KLF8: variants seen among roughly 807,000 people sequenced by gnomAD.
KLF8 encodes the protein Krueppel-like factor 8.
Under a neutral mutation model 18.2 loss-of-function variants are expected in KLF8, and 10 were observed. The ratio of observed to expected loss-of-function variants is 0.55; its 90% CI spans 0.34 to 0.93. The LOEUF (loss-of-function observed/expected upper bound fraction) is 0.93, where lower values mean the gene tolerates loss of function less well. KLF8 is among the 40% of genes least tolerant of loss of function. KLF8 has a pLI of 0.02. For missense variants in KLF8, 264 were observed against 277.9 expected (o/e 0.95, Z 0.36); for synonymous variants, 109 against 97.3 (o/e 1.12, Z -0.71).
rs977168064 is a variant in KLF8, at chrX:56,290,885, C to G, written c.*6391C>G. On this transcript the variant is annotated 3_prime_UTR_variant, in exon 6 of 6. Coordinates refer to ENST00000468660, the MANE Select transcript of KLF8 (RefSeq NM_007250.5). ...TCCTTTTCTGGTGTTGGGGTGGGGTCAGGGGAAGAGATACTATTTTGTTAA... is the reference window on the plus strand; with the variant it reads ...TCCTTTTCTGGTGTTGGGGTGGGGTGAGGGGAAGAGATACTATTTTGTTAA... Among the ~76,000 whole-genome samples, 1 of 111,234 alleles carries G rather than the reference C, an allele frequency of 9.0e-6. No homozygotes were observed. The highest frequency in any genetic ancestry group is 9.6e-5 in the Admixed American group (1 of 10,406).
the KLF8 span, among the ~76,000 whole-genome samples, chrX:56,197,692 T>C: frequency 5.4e-5 from 6 of 111,837 alleles, no homozygotes; most frequent in Admixed American, 1.9e-4. Context: ...CTTCTGAAAT[T>C]ATTCCAATCA....
At chrX:56,061,690 C>T in the KLF8 span, among the ~76,000 whole-genome samples, 1 of 111,092 alleles carries the variant, frequency 9.0e-6, no homozygotes, top group African/African-American at 3.3e-5. Flanking sequence ...CGGCTTGGTC[C>T]AGAGCTGAGT....
At chrX:55,989,972 G>T in the KLF8 span, among the ~76,000 whole-genome samples, 3 of 111,677 alleles carry the variant, frequency 2.7e-5, no homozygotes, top group Non-Finnish European at 3.8e-5. Context: ...TTCTTCTAGA[G>T]TTTCTAGTTT....
the KLF8 span, among the ~76,000 whole-genome samples, chrX:56,200,754 C>A: frequency 3.6e-5 from 4 of 111,171 alleles, no homozygotes; most frequent in African/African-American, 6.5e-5. Context: ...GGAATGCCTA[C>A]AACTCAACAG....
chrX:56,010,798 C>A, the KLF8 span, among the ~76,000 whole-genome samples: 1 of 111,677 alleles, frequency 9.0e-6, no homozygotes, highest in Admixed American at 9.5e-5. Flanking sequence ...CAGATAGAAG[C>A]AATCTGTTGC....
chrX:56,103,164 T>C, the KLF8 span, among the ~76,000 whole-genome samples: 1 of 110,204 alleles, frequency 9.1e-6, no homozygotes, highest in Non-Finnish European at 1.9e-5. Flanking sequence ...AGCTTTGTTC[T>C]TTTGGCTTAG....
the KLF8 span, among the ~76,000 whole-genome samples, chrX:56,070,006 G>A: frequency 8.9e-6 from 1 of 112,598 alleles, no homozygotes; most frequent in Non-Finnish European, 1.9e-5. Flanking sequence ...CAACCCAAAT[G>A]CCCATCAAAG....
At chrX:56,182,903 G>T in the KLF8 span, among the ~76,000 whole-genome samples, 2 of 111,453 alleles carry the variant, frequency 1.8e-5, no homozygotes, top group Non-Finnish European at 3.8e-5. Context: ...TCCCAGTTAG[G>T]CTATTCAGGG....
At chrX:56,041,046 C>T in the KLF8 span, among the ~76,000 whole-genome samples, 1 of 106,760 alleles carries the variant, frequency 9.4e-6, no homozygotes, top group Non-Finnish European at 1.9e-5. Flanking sequence ...AGTTTATGTG[C>T]ATAGAGGTGT....
the KLF8 span, among the ~76,000 whole-genome samples, chrX:56,208,857 TA>T: frequency 4.4e-5 from 5 of 112,480 alleles, no homozygotes; most frequent in South Asian, 1.8e-3. Flanking sequence ...AAAAAATTTT[TA>T]AGACTTGCAT....
At chrX:56,229,464 G>A (rs1237453778), upstream of KLF8, among the ~76,000 whole-genome samples, 1 of 111,938 alleles carries the variant, frequency 8.9e-6, no homozygotes, top group Non-Finnish European at 1.9e-5. Flanking sequence ...CTAAAGAAAG[G>A]AGAGCCTGAG....
the KLF8 span, among the ~76,000 whole-genome samples, chrX:56,188,736 G>A: frequency 9.0e-6 from 1 of 111,680 alleles, no homozygotes; most frequent in Non-Finnish European, 1.9e-5. Flanking sequence ...ACTATCTGAT[G>A]TTTGACAATC....
chrX:55,926,684 G>A, the KLF8 span, among the ~76,000 whole-genome samples: 8 of 110,880 alleles, frequency 7.2e-5, no homozygotes, highest in East Asian at 2.3e-3. Flanking sequence ...TGCTGTTAAT[G>A]TAGTCAGGAA....
the KLF8 span, among the ~76,000 whole-genome samples, chrX:56,073,551 C>T: frequency 9.0e-6 from 1 of 110,917 alleles, no homozygotes. Context: ...TATGTATTCC[C>T]TTTTGAGGTA....
the KLF8 span, among the ~76,000 whole-genome samples, chrX:56,110,910 C>A: frequency 1.3e-3 from 144 of 111,377 alleles, no homozygotes; most frequent in African/African-American, 4.6e-3. Context: ...TATATAGTTA[C>A]CTTTACTGAA....
the KLF8 span, among the ~76,000 whole-genome samples, chrX:56,047,021 A>G: frequency 9.1e-6 from 1 of 110,418 alleles, no homozygotes; most frequent in Admixed American, 9.6e-5. Flanking sequence ...TTGGACATTT[A>G]ACATAGTCCG....
the KLF8 span, among the ~76,000 whole-genome samples, chrX:56,038,434 C>T: frequency 8.9e-6 from 1 of 111,798 alleles, no homozygotes. Flanking sequence ...CCTGTGTTCT[C>T]ATCATTCAGA....
the KLF8 span, among the ~76,000 whole-genome samples, chrX:55,930,452 G>A: frequency 4.8e-4 from 54 of 112,003 alleles, no homozygotes; most frequent in Non-Finnish European, 8.8e-4. Flanking sequence ...GCACATCCTT[G>A]TCTTGTGCCG....
chrX:55,988,129 A>T, the KLF8 span, among the ~76,000 whole-genome samples: 1 of 111,332 alleles, frequency 9.0e-6, no homozygotes, highest in Non-Finnish European at 1.9e-5. Context: ...AGTTTGCAAA[A>T]ATTTTCTCCC....
Sources: gnomAD v4.1 joint callset for allele counts (sites outside exome capture counted in the v4.1 genomes callset) on GRCh38, gnomAD v4.1.1 for gene constraint, MANE v1.5 for transcripts, NCBI Gene and HGNC (gene_info 2026-07-23, HGNC 2026-07-21) for gene names.